GAS2: variants seen among roughly 807,000 people sequenced by gnomAD.
GAS2 encodes the protein growth arrest-specific protein 2.
In GAS2, 20 loss-of-function variants were observed where a neutral mutation model predicts 37.5. That is an observed-to-expected ratio of 0.53 (90% CI 0.37 to 0.77). The LOEUF is 0.77. GAS2 is among the 30% of genes least tolerant of loss of function. GAS2 has a pLI of 0.00. For synonymous variants in GAS2, 144 were observed against 132.2 expected, an observed-to-expected ratio of 1.09 and a Z score of -0.61; for missense variants, 336 against 373.4, an observed-to-expected ratio of 0.90 and a Z score of 0.82.
intron 1 of GAS2, among the ~76,000 whole-genome samples, chr11:22,637,260 T>A (rs868631209): frequency 0.015 from 61 of 3,974 alleles, no homozygotes; most frequent in East Asian, 0.061. Flanking sequence ...AGTATACTAA[T>A]ATATTAATTA....
chr11:22,658,600 C>T lies in GAS2; in HGVS notation c.-20-16250C>T, dbSNP rs530819620. ...GTTTCCTTGTCTGTTTCTCACACCA[C>T]ATATCCATCTATCAGCAAGTCATAA... On this transcript the variant is annotated intron_variant, in intron 1 of 5. Coordinates refer to the GAS2 transcript ENST00000528582. Among the ~76,000 whole-genome samples, 3 of 152,286 alleles carry T rather than the reference C, an allele frequency of 2.0e-5. No individual in the cohort carries two copies. The South Asian group carries it at 6.2e-4, about 32-fold the overall frequency.
intron 7 of GAS2, among the ~76,000 whole-genome samples, chr11:22,807,455 T>A (rs987153197): frequency 6.6e-6 from 1 of 152,222 alleles, no homozygotes; most frequent in African/African-American, 2.4e-5. Flanking sequence ...TGGAACATGT[T>A]TTTAAAATGT....
At chr11:22,764,593 A>AAAAAAGC (rs1393478507) in intron 7 of GAS2, among the ~76,000 whole-genome samples, 9 of 5,350 alleles carry the variant, frequency 1.7e-3, no homozygotes, top group African/African-American at 1.8e-3. Context: ...ACAAAAAAGC[A>AAAAAAGC]AGAAAGACAA....
intron 3 of GAS2, among the ~76,000 whole-genome samples, chr11:22,706,151 C>T (rs1260478928): frequency 6.6e-6 from 1 of 152,150 alleles, no homozygotes; most frequent in East Asian, 1.9e-4. Context: ...ACATTTTAAA[C>T]AGAAGCATGA....
At chr11:22,736,178 A>G (rs921935064) in intron 4 of GAS2, among the ~76,000 whole-genome samples, 1 of 151,978 alleles carries the variant, frequency 6.6e-6, no homozygotes, top group Non-Finnish European at 1.5e-5. Flanking sequence ...TTAATATACT[A>G]AACCTTATGA....
chr11:22,760,238 C>T (rs1354720093), intron 7 of GAS2, among the ~76,000 whole-genome samples: 1 of 152,116 alleles, frequency 6.6e-6, no homozygotes, highest in African/African-American at 2.4e-5. Flanking sequence ...GCCTTGGCCT[C>T]CCAAAGTGCT....
chr11:22,726,419 A>T lies in GAS2; in HGVS notation c.395A>T (p.Glu132Val). 1 of 1,611,632 alleles carries T rather than the reference A, an allele frequency of 6.2e-7. No individual in the cohort carries two copies. The highest frequency in any genetic ancestry group is 8.5e-7 in the Non-Finnish European group (1 of 1,178,908). Reference protein sequence around the residue: ...DLGVDETCLFESEGLVLHKQP... With the variant: ...DLGVDETCLFVSEGLVLHKQP... ...GGGGTGGATGAAACGTGTCTATTTG[A>T]ATCGGAAGGTTTGGGTATGTATTAA... Residue 132 changes from glutamate to valine, a missense_variant, in exon 4 of 8, where the codon GAA (glutamate) becomes GTA (valine). By Grantham distance (121) the Glu-to-Val change is moderately radical (BLOSUM62 -2). Transcript: ENST00000454584.
intron 7 of GAS2, among the ~76,000 whole-genome samples, chr11:22,762,567 C>A (rs931658205): frequency 2.6e-5 from 4 of 152,076 alleles, no homozygotes; most frequent in African/African-American, 9.7e-5. Context: ...ATAATCCATA[C>A]CTTTTATAAT....
chr11:22,646,622 A>G (rs1399399621), intron 1 of GAS2, among the ~76,000 whole-genome samples: 9 of 152,240 alleles, frequency 5.9e-5, no homozygotes, highest in Admixed American at 2.0e-4. Context: ...ACAAAAATCT[A>G]TTTTGAGAAA....
At chr11:22,732,334 G>A (rs565284719) in intron 4 of GAS2, among the ~76,000 whole-genome samples, 1 of 151,722 alleles carries the variant, frequency 6.6e-6, no homozygotes, top group East Asian at 1.9e-4. Flanking sequence ...CAAAGGCAAT[G>A]AAATTCATTC....
intron 3 of GAS2, among the ~76,000 whole-genome samples, chr11:22,695,622 C>A (rs963919302): frequency 6.6e-6 from 1 of 152,110 alleles, no homozygotes; most frequent in African/African-American, 2.4e-5. Context: ...AGGACAGGAG[C>A]CAATAGCAAA....
intron 4 of GAS2, among the ~76,000 whole-genome samples, chr11:22,736,321 A>T (rs1024756992): frequency 6.6e-6 from 1 of 151,992 alleles, no homozygotes; most frequent in African/African-American, 2.4e-5. Flanking sequence ...CAATTTACTG[A>T]TGGTCATCTG....
At chr11:22,714,385 G>A (rs768747520) in intron 3 of GAS2, among the ~76,000 whole-genome samples, 44 of 151,978 alleles carry the variant, frequency 2.9e-4, no homozygotes, top group African/African-American at 9.2e-4. Flanking sequence ...AACAATTACC[G>A]CTACACATAG....
chr11:22,773,584 G>A (rs939600728), intron 7 of GAS2, among the ~76,000 whole-genome samples: 2 of 151,748 alleles, frequency 1.3e-5, no homozygotes, highest in African/African-American at 4.8e-5. Flanking sequence ...TAGTAGAGAC[G>A]GGGTTTCACC....
chr11:22,753,559 A>G (rs146219353), intron 6 of GAS2, among the ~76,000 whole-genome samples: 325 of 152,256 alleles, frequency 2.1e-3, no homozygotes, highest in African/African-American at 7.0e-3. Flanking sequence ...TTGGTTAATT[A>G]CCACATGGCA....
intron 3 of GAS2, among the ~76,000 whole-genome samples, chr11:22,686,825 C>A (rs1429255904): frequency 6.6e-6 from 1 of 151,790 alleles, no homozygotes; most frequent in African/African-American, 2.4e-5. Flanking sequence ...GCAACTCTGA[C>A]AGAAAAAATA....
chr11:22,629,018 T>C (rs1480022959), intron 1 of GAS2, among the ~76,000 whole-genome samples: 2 of 151,626 alleles, frequency 1.3e-5, no homozygotes, highest in African/African-American at 2.4e-5. Context: ...TGTGTGTGTA[T>C]GTATGTATGC....
intron 5 of GAS2, among the ~76,000 whole-genome samples, chr11:22,745,763 A>G (rs1035270184): frequency 1.3e-5 from 2 of 152,142 alleles, no homozygotes; most frequent in African/African-American, 4.8e-5. Context: ...GCCAAATAAC[A>G]TCATTAAAAT....
At chr11:22,666,227 C>T (rs1848983251), upstream of GAS2, among the ~76,000 whole-genome samples, 2 of 152,168 alleles carry the variant, frequency 1.3e-5, no homozygotes, top group African/African-American at 2.4e-5. Flanking sequence ...GCAAAAACAG[C>T]CGTGAGTACA....
Sources: allele counts gnomAD v4.1 joint callset (sites outside exome capture counted in the v4.1 genomes callset), GRCh38; gene constraint gnomAD v4.1.1; transcripts MANE v1.5; gene names NCBI Gene and HGNC (gene_info 2026-07-23, HGNC 2026-07-21).